The following CDON variants were observed in gnomAD, a reference collection of about 807,000 sequenced individuals.
CDON encodes the protein cell adhesion molecule-related/down-regulated by oncogenes.
In CDON, 73 loss-of-function variants were observed where a neutral mutation model predicts 120.9. That is an observed-to-expected ratio of 0.60 (90% CI 0.50 to 0.73). CDON has a LOEUF of 0.73. Ranked by LOEUF, CDON falls within the 30% of genes least tolerant of loss-of-function variation. The pLI is 0.00. For synonymous variants in CDON, 566 were observed against 573.5 expected, an observed-to-expected ratio of 0.99 and a Z score of 0.19; for missense variants, 1,470 against 1,587.3, an observed-to-expected ratio of 0.93 and a Z score of 1.26.
At chr11:126,014,841 G>A (rs541550315) in intron 7 of CDON, 1 of 162,246 alleles carries the variant, frequency 6.2e-6, no homozygotes, top group Non-Finnish European at 1.3e-5. Context: ...AAAAGGTATT[G>A]TTATAAAATG....
chr11:125,992,577 G>C (rs1246243935), intron 14 of CDON, among the ~76,000 whole-genome samples: 1 of 152,018 alleles, frequency 6.6e-6, no homozygotes, highest in Non-Finnish European at 1.5e-5. Context: ...GAATAGTTTT[G>C]GCACTAAAAG....
chr11:126,030,002 T>A (rs1355446990), intron 1 of CDON, among the ~76,000 whole-genome samples: 1 of 152,208 alleles, frequency 6.6e-6, no homozygotes, highest in Admixed American at 6.5e-5. Context: ...CAGTCTCATG[T>A]GGCACAAGTA....
chr11:126,006,128 G>A lies in CDON; in HGVS notation c.1553-71C>T, dbSNP rs1025504704. The A allele has an allele frequency of 2.8e-5, 39 of 1,388,068 alleles. No individual in the cohort carries two copies. In the Admixed American group the frequency reaches 3.4e-4, roughly 12 times the overall value. The allele number at this position is 1,388,068 out of a possible 1,614,324, so 86.0% of individuals were successfully genotyped here. Reference sequence around the variant, plus strand: ...CATTGTCTTCTACCCAGTTTGTGACGTGACTGCCCTCACTTGTATTGTTAG... The same window carrying A: ...CATTGTCTTCTACCCAGTTTGTGACATGACTGCCCTCACTTGTATTGTTAG... On this transcript the variant is annotated intron_variant, in intron 8 of 19. Transcript: ENST00000531738.
At chr11:126,057,147 A>C (rs1461388394) in intron 1 of CDON, among the ~76,000 whole-genome samples, 1 of 152,236 alleles carries the variant, frequency 6.6e-6, no homozygotes, top group East Asian at 1.9e-4. Context: ...GAATAAACCC[A>C]GTTCTGTGAA....
At chr11:126,003,026 C>T (rs1393468310) in intron 10 of CDON, among the ~76,000 whole-genome samples, 1 of 152,060 alleles carries the variant, frequency 6.6e-6, no homozygotes. Flanking sequence ...GCTCCGATGT[C>T]GACCGCTCAT....
chr11:126,053,005 G>A (rs116487134), intron 1 of CDON, among the ~76,000 whole-genome samples: 202 of 152,074 alleles, frequency 1.3e-3, no homozygotes, highest in African/African-American at 4.7e-3. Context: ...GGCAATAGGG[G>A]GTGTCATGTC....
intron 1 of CDON, among the ~76,000 whole-genome samples, chr11:126,056,072 T>C (rs1201281090): frequency 1.3e-5 from 2 of 152,230 alleles, no homozygotes; most frequent in African/African-American, 2.4e-5. Flanking sequence ...ACCTCAGTCC[T>C]ACAAATGCCT....
rs111715781 is a variant in CDON at position 126,001,485 on chromosome 11, T to C, written c.2158+234A>G. Among the ~76,000 whole-genome samples, 4,618 of 149,756 alleles carry C rather than the reference T, an allele frequency of 0.031. 251 individuals carry two copies. The highest frequency in any genetic ancestry group is 0.11 in the African/African-American group (4,433 of 40,492). On this transcript the variant is annotated intron_variant, in intron 11 of 19. Transcript: ENST00000531738. ...TAGCCACAAAACTCCTTTCTTGAGT[T>C]CTAAAAACTTAGTACCAGAACATTT...
In CDON at chr11:126,018,317, C is replaced by T. The variant is rs775078630; in HGVS notation, c.640+13G>A. 1.9e-6 allele frequency: 3 copies of T among 1,612,562 alleles called. No homozygotes were observed. The highest frequency in any genetic ancestry group is 3.3e-5 in the Admixed American group (2 of 60,008). On this transcript the variant is annotated intron_variant, in intron 5 of 19. Transcript: ENST00000531738. ...TTCCTCTTCCAGTTACCATTATTCT[C>T]CCAAATACTTACGACTCACAAGGAG...
intron 5 of CDON, among the ~76,000 whole-genome samples, chr11:126,017,705 TC>T (rs1052075025): frequency 1.4e-5 from 2 of 146,612 alleles, no homozygotes; most frequent in African/African-American, 5.0e-5. Context: ...CAGACATATC[TC>T]TTTTTTTTTT....
At position 125,974,908 on chromosome 11, in the gene CDON, G is replaced by A. The variant is rs79624088; in HGVS notation, c.3356+3396C>T. On this transcript the variant is annotated intron_variant, in intron 18 of 19. Coordinates refer to ENST00000531738, the MANE Select transcript of CDON (RefSeq NM_001378964.1). The stretch of plus-strand genomic sequence containing the variant: ...ACTTCTTACACATCTGGAATCTTCT[G>A]TTTTTCTAGATCCCTGTCAGTCAAT... 6.5e-3 allele frequency among the ~76,000 whole-genome samples: 994 copies of A among 151,788 alleles called. 6 individuals are homozygous for A. Among genetic ancestry groups the A allele is most frequent in the African/African-American group, 0.023 (957 of 41,362 alleles).
chr11:126,015,586 C>A (rs542847304), intron 6 of CDON, 76 bp from the exon 7 acceptor site: 107 of 1,438,426 alleles, frequency 7.4e-5, no homozygotes, highest in Admixed American at 1.1e-4. Flanking sequence ...TGATAAAAAT[C>A]TTCTCTCTAC....
chr11:126,004,415 G>A (rs1022616145), intron 9 of CDON: 2 of 312,878 alleles, frequency 6.4e-6, no homozygotes, highest in Admixed American at 9.2e-5. Context: ...AATAAAATAA[G>A]TATAAAATAA....
rs149668141 is a variant in CDON at position 125,971,136 on chromosome 11, T to C, written c.3356+7168A>G. ...CGGTGGCTCACGCCTGTAATCCCAG[T>C]ACTTTGGGGGGCCAAGGCGGGCGGA... On this transcript the variant is annotated intron_variant, in intron 18 of 19. Coordinates refer to ENST00000531738, the MANE Select transcript of CDON (RefSeq NM_001378964.1). Among the ~76,000 whole-genome samples, 1,342 of 152,156 alleles carry C rather than the reference T, an allele frequency of 8.8e-3. 12 individuals are homozygous for C. The highest frequency in any genetic ancestry group is 0.023 in the African/African-American group (944 of 41,518).
intron 1 of CDON, among the ~76,000 whole-genome samples, chr11:126,030,135 T>A (rs750150335): frequency 1.3e-5 from 2 of 152,236 alleles, no homozygotes; most frequent in Non-Finnish European, 2.9e-5. Flanking sequence ...CTACTTTATA[T>A]GCCATGCCAA....
rs374438894 is a variant in CDON at position 126,010,425 on chromosome 11, C to T, written c.1468G>A (p.Val490Met). ...TATTTCCCCGCATGTTCCTGAGTCA[C>T]AGCCTGAATATGGAGAGAGCTTGCA... ...AGASSLHIQA[V>M]TQEHAGKYIC... is the part of the protein sequence containing the mutation. Residue 490 changes from valine to methionine, a missense_variant, in exon 8 of 20, where the codon GTG becomes ATG. Coordinates refer to ENST00000531738, the MANE Select transcript of CDON (RefSeq NM_001378964.1). The T allele has an allele frequency of 6.2e-7, 1 of 1,614,114 alleles. No individual in the cohort carries two copies. Among genetic ancestry groups the T allele is most frequent in the South Asian group, 1.1e-5 (1 of 91,078 alleles).
At chr11:125,987,976 A>G (rs1565506916) in intron 15 of CDON, among the ~76,000 whole-genome samples, 1 of 152,196 alleles carries the variant, frequency 6.6e-6, no homozygotes, top group African/African-American at 2.4e-5. Context: ...CCATTTCCTC[A>G]TTTTTTAAAA....
chr11:125,971,179 C>A (rs1389990679), intron 18 of CDON, among the ~76,000 whole-genome samples: 1 of 151,974 alleles, frequency 6.6e-6, no homozygotes, highest in Non-Finnish European at 1.5e-5. Flanking sequence ...GTCAGGAGAC[C>A]AAGACCATCC....
At chr11:126,007,471 G>A (rs1021404565) in intron 8 of CDON, among the ~76,000 whole-genome samples, 8 of 152,346 alleles carry the variant, frequency 5.3e-5, no homozygotes, top group African/African-American at 1.9e-4. Context: ...TGTTCAGGGT[G>A]TGATCTGGTG....
Sources: allele counts gnomAD v4.1 joint callset (sites outside exome capture counted in the v4.1 genomes callset), GRCh38; gene constraint gnomAD v4.1.1; transcripts MANE v1.5; gene names NCBI Gene and HGNC (gene_info 2026-07-23, HGNC 2026-07-21).